PLEKHG1: variants seen among roughly 807,000 people sequenced by gnomAD.
The protein encoded by PLEKHG1 is pleckstrin homology domain-containing family G member 1.
Under a neutral mutation model 100.8 loss-of-function variants are expected in PLEKHG1, and 44 were observed. The ratio of observed to expected loss-of-function variants is 0.44; its 90% CI spans 0.34 to 0.56. The LOEUF is 0.56. Among genes scored for constraint, PLEKHG1 ranks in the 20% least tolerant of loss-of-function variants. PLEKHG1 has a pLI of 0.01. For synonymous variants in PLEKHG1, 640 were observed against 662.5 expected, an observed-to-expected ratio of 0.97 and a Z score of 0.52; for missense variants, 1,545 against 1,720.9, an observed-to-expected ratio of 0.90 and a Z score of 1.81.
At chr6:150,634,765 T>C (rs1209382138) in intron 1 of PLEKHG1, among the ~76,000 whole-genome samples, 2 of 152,216 alleles carry the variant, frequency 1.3e-5, no homozygotes, top group Non-Finnish European at 2.9e-5. Flanking sequence ...ATCTTGATTT[T>C]GTAGAGAACA....
At chr6:150,673,873 C>T (rs911187749) in intron 3 of PLEKHG1, among the ~76,000 whole-genome samples, 5 of 152,122 alleles carry the variant, frequency 3.3e-5, no homozygotes, top group Admixed American at 1.3e-4. Flanking sequence ...TATGTTGCTG[C>T]GGGCTGGTCT....
At chr6:150,794,208 A>G (rs1287350376) in intron 4 of PLEKHG1, among the ~76,000 whole-genome samples, 1 of 152,220 alleles carries the variant, frequency 6.6e-6, no homozygotes, top group African/African-American at 2.4e-5. Flanking sequence ...AAAGATGAAA[A>G]GAGACTACTA....
intron 3 of PLEKHG1, among the ~76,000 whole-genome samples, chr6:150,776,591 C>T (rs1343642813): frequency 7.3e-6 from 1 of 136,690 alleles, no homozygotes; most frequent in Non-Finnish European, 1.5e-5. Flanking sequence ...TTGCACATTA[C>T]TCACACTGAT....
intron 3 of PLEKHG1, among the ~76,000 whole-genome samples, chr6:150,773,914 T>A (rs980687105): frequency 6.6e-6 from 1 of 152,216 alleles, no homozygotes; most frequent in Non-Finnish European, 1.5e-5. Flanking sequence ...TATGTTTTTT[T>A]AAATACATGT....
At chr6:150,781,933 G>A (rs898738697) in intron 3 of PLEKHG1, among the ~76,000 whole-genome samples, 8 of 150,650 alleles carry the variant, frequency 5.3e-5, no homozygotes, top group African/African-American at 7.4e-5. Flanking sequence ...CACCACGCCC[G>A]GCTAATTTTT....
chr6:150,636,066 A>G (rs923073255), intron 1 of PLEKHG1, among the ~76,000 whole-genome samples: 1 of 152,204 alleles, frequency 6.6e-6, no homozygotes, highest in African/African-American at 2.4e-5. Flanking sequence ...TACTATTTGC[A>G]GATAAGTTAA....
intron 1 of PLEKHG1, among the ~76,000 whole-genome samples, chr6:150,603,303 ATAAAAT>A (rs925414632): frequency 1.1e-4 from 16 of 152,176 alleles, no homozygotes; most frequent in Non-Finnish European, 1.6e-4. Context: ...ATCTTGCTTG[ATAAAAT>A]TAAAAGCTGA....
intron 3 of PLEKHG1, among the ~76,000 whole-genome samples, chr6:150,694,403 T>C (rs1463712454): frequency 6.6e-6 from 1 of 152,210 alleles, no homozygotes; most frequent in Admixed American, 6.5e-5. Flanking sequence ...AGAGAAAATG[T>C]TTCAAATAGT....
intron 10 of PLEKHG1, among the ~76,000 whole-genome samples, chr6:150,810,539 G>GAAAGAAAGA (rs1562540321): frequency 2.9e-5 from 3 of 105,012 alleles, no homozygotes; most frequent in African/African-American, 1.3e-4. Flanking sequence ...AGAAAGAAAG[G>GAAAGAAAGA]AAGAAAGGAA....
intron 2 of PLEKHG1, 146 bp downstream of exon 3, chr6:150,734,238 T>C: frequency 2.5e-6 from 2 of 796,504 alleles, no homozygotes; most frequent in South Asian, 3.5e-5. Context: ...AGAGAAACCC[T>C]AAGGCCGTAA....
At chr6:150,732,342 TATC>T (rs575742252) in intron 1 of PLEKHG1, among the ~76,000 whole-genome samples, 10 of 152,346 alleles carry the variant, frequency 6.6e-5, no homozygotes, top group African/African-American at 2.2e-4. Context: ...TCTCTAATAG[TATC>T]ATAACTCCAT....
exon 2 of PLEKHG1, chr6:150,733,924 G>A (rs1362830983): frequency 1.2e-6 from 2 of 1,614,200 alleles, no homozygotes; most frequent in East Asian, 2.2e-5. Flanking sequence ...ACGCGGATGA[G>A]GGCAGCGAAA....
chr6:150,739,529 A>G (rs1258210359), intron 2 of PLEKHG1, among the ~76,000 whole-genome samples: 1 of 151,996 alleles, frequency 6.6e-6, no homozygotes, highest in Non-Finnish European at 1.5e-5. Context: ...TTAGCTGGGT[A>G]TGGTGGTGCA....
chr6:150,746,255 T>G (rs1783156721), intron 2 of PLEKHG1, among the ~76,000 whole-genome samples: 1 of 152,194 alleles, frequency 6.6e-6, no homozygotes, highest in Non-Finnish European at 1.5e-5. Flanking sequence ...AATTCAGAAA[T>G]GAGAATTATG....
chr6:150,748,884 C>T (rs1783332492), intron 2 of PLEKHG1, among the ~76,000 whole-genome samples: 1 of 152,096 alleles, frequency 6.6e-6, no homozygotes, highest in African/African-American at 2.4e-5. Flanking sequence ...ACCTTGGCCT[C>T]CTGAAGTGCT....
intron 3 of PLEKHG1, among the ~76,000 whole-genome samples, chr6:150,694,860 T>C (rs275351): frequency 0.45 from 68,982 of 151,962 alleles, 15,873 homozygotes; most frequent in Middle Eastern, 0.58. Context: ...ACTGGAGCTG[T>C]AGTTCTTAGT....
At chr6:150,667,911 G>A (rs1302053619) in intron 3 of PLEKHG1, among the ~76,000 whole-genome samples, 1 of 152,162 alleles carries the variant, frequency 6.6e-6, no homozygotes, top group Non-Finnish European at 1.5e-5. Context: ...CCATCAGCAG[G>A]TATTAAAATG....
intron 3 of PLEKHG1, among the ~76,000 whole-genome samples, chr6:150,652,587 G>A (rs935723953): frequency 6.6e-6 from 1 of 151,960 alleles, no homozygotes; most frequent in African/African-American, 2.4e-5. Context: ...GGGCGTGGTG[G>A]CTCATGCCTG....
intron 1 of PLEKHG1, among the ~76,000 whole-genome samples, chr6:150,619,440 G>T (rs1047326026): frequency 3.3e-5 from 5 of 152,192 alleles, no homozygotes; most frequent in African/African-American, 1.2e-4. Flanking sequence ...TCCAGCTCAG[G>T]AAACCAGTGA....
Sources: gnomAD v4.1 joint callset for allele counts (sites outside exome capture counted in the v4.1 genomes callset) on GRCh38, gnomAD v4.1.1 for gene constraint, MANE v1.5 for transcripts, NCBI Gene and HGNC (gene_info 2026-07-23, HGNC 2026-07-21) for gene names.